Variants in SBF2 observed in about 807,000 individuals in gnomAD.
SBF2 encodes the protein myotubularin-related protein 13.
Under a neutral mutation model 225.2 loss-of-function variants are expected in SBF2, and 112 were observed. The ratio of observed to expected loss-of-function variants is 0.50; its 90% CI spans 0.43 to 0.58. SBF2 has a LOEUF of 0.58. Ranked by LOEUF, SBF2 falls within the 20% of genes least tolerant of loss-of-function variation. SBF2 has a pLI of 0.00. For missense variants in SBF2, 1,996 were observed against 2,206.2 expected (o/e 0.90, Z 1.91); for synonymous variants, 763 against 773.3 (o/e 0.99, Z 0.22).
chr11:10,183,613 A>C (rs1956819886), intron 2 of SBF2, among the ~76,000 whole-genome samples: 1 of 152,102 alleles, frequency 6.6e-6, no homozygotes, highest in South Asian at 2.1e-4. Flanking sequence ...GTCAAGGCTC[A>C]TTTTTTTCCT....
At chr11:9,856,865 G>A (rs1857361224) in intron 18 of SBF2, 145 bp from the exon 19 acceptor site, 2 of 785,898 alleles carry the variant, frequency 2.5e-6, no homozygotes, top group East Asian at 2.8e-5. Context: ...TTGGCTCACT[G>A]CAAGCTCTGC....
chr11:9,952,245 TACACAAAC>T (rs200991258), intron 16 of SBF2, among the ~76,000 whole-genome samples: 9,482 of 83,208 alleles, frequency 0.11, 370 homozygotes, highest in East Asian at 0.35. Context: ...TAAAAATAAA[TACACAAAC>T]AAACAAACAA....
intron 3 of SBF2, among the ~76,000 whole-genome samples, chr11:10,038,071 T>C (rs773675657): frequency 2.6e-5 from 4 of 151,998 alleles, no homozygotes; most frequent in Non-Finnish European, 5.9e-5. Context: ...CTATACACAA[T>C]AGGGTCTGCT....
intron 2 of SBF2, among the ~76,000 whole-genome samples, chr11:10,148,529 T>A (rs575270495): frequency 2.0e-5 from 3 of 151,854 alleles, no homozygotes; most frequent in African/African-American, 7.3e-5. Context: ...CTCCCAGATA[T>A]AGAATGCACT....
At chr11:10,262,131 G>A (rs975520432) in intron 1 of SBF2, among the ~76,000 whole-genome samples, 2 of 152,040 alleles carry the variant, frequency 1.3e-5, no homozygotes, top group Non-Finnish European at 2.9e-5. Context: ...TTGCATTATG[G>A]TTAATTATAT....
At chr11:9,958,806 C>T (rs542325028) in intron 16 of SBF2, 22 of 539,522 alleles carry the variant, frequency 4.1e-5, no homozygotes, top group Non-Finnish European at 7.5e-5. Flanking sequence ...GCTTCTGTCA[C>T]CGAAAATGGG....
intron 6 of SBF2, among the ~76,000 whole-genome samples, chr11:10,004,585 A>AAAAG (rs1554981742): frequency 1.3e-5 from 2 of 148,696 alleles, no homozygotes; most frequent in African/African-American, 4.9e-5. Flanking sequence ...AAAAAAAAAA[A>AAAAG]AAAAAAAAAA....
At chr11:10,165,832 G>T (rs1955926217) in intron 2 of SBF2, among the ~76,000 whole-genome samples, 1 of 152,160 alleles carries the variant, frequency 6.6e-6, no homozygotes, top group African/African-American at 2.4e-5. Flanking sequence ...ATTTGAATAT[G>T]TATGTATTTT....
intron 16 of SBF2, among the ~76,000 whole-genome samples, chr11:9,923,824 T>A (rs940165461): frequency 2.0e-5 from 3 of 152,182 alleles, no homozygotes; most frequent in African/African-American, 7.2e-5. Context: ...TTCAATCAAA[T>A]ATTGCAATAA....
intron 1 of SBF2, among the ~76,000 whole-genome samples, chr11:10,300,319 A>C (rs1367363358): frequency 6.6e-6 from 1 of 152,100 alleles, no homozygotes; most frequent in Non-Finnish European, 1.5e-5. Context: ...ATAATCAGTA[A>C]ATATTTGTTG....
At chr11:9,812,810 A>G in intron 29 of SBF2, 102 bp from the exon 30 acceptor site, 2 of 1,195,852 alleles carry the variant, frequency 1.7e-6, no homozygotes, top group Non-Finnish European at 2.4e-6. Flanking sequence ...TTTGGGGCCA[A>G]ATAGCTGCAG....
chr11:9,830,746 A>C (rs1324051876), intron 27 of SBF2, among the ~76,000 whole-genome samples: 1 of 74,188 alleles, frequency 1.3e-5, no homozygotes, highest in Non-Finnish European at 2.6e-5. Flanking sequence ...GCTCAAAAAC[A>C]AAAAAAAAAA....
chr11:9,900,131 C>T (rs1861611592), intron 16 of SBF2, among the ~76,000 whole-genome samples: 1 of 150,288 alleles, frequency 6.7e-6, no homozygotes, highest in Admixed American at 6.6e-5. Context: ...CCCAGTTTCA[C>T]TGAGTATTTT....
At chr11:10,064,420 G>C (rs1950560931) in intron 2 of SBF2, among the ~76,000 whole-genome samples, 1 of 152,188 alleles carries the variant, frequency 6.6e-6, no homozygotes, top group Non-Finnish European at 1.5e-5. Flanking sequence ...GGGTAAAAAG[G>C]ACCAATGGAA....
At chr11:9,909,442 C>T (rs548595563) in intron 16 of SBF2, among the ~76,000 whole-genome samples, 11 of 151,888 alleles carry the variant, frequency 7.2e-5, no homozygotes, top group Non-Finnish European at 1.3e-4. Flanking sequence ...GAGGCCGAGG[C>T]GGGTGGATCA....
chr11:10,064,521 C>G (rs1017144673), intron 2 of SBF2, among the ~76,000 whole-genome samples: 1 of 151,986 alleles, frequency 6.6e-6, no homozygotes, highest in Non-Finnish European at 1.5e-5. Flanking sequence ...AAAGCAAGAC[C>G]CAACTACATA....
Position 10,240,464 on chromosome 11 carries a change from A to G in SBF2, c.56-46477T>C, listed in dbSNP as rs1031598970. Among the ~76,000 whole-genome samples, 4 of 152,202 alleles carry G rather than the reference A, an allele frequency of 2.6e-5. No individual in the cohort carries two copies. In the East Asian group the frequency reaches 7.7e-4, roughly 29 times the overall value. On this transcript the variant is annotated intron_variant, in intron 1 of 39. Coordinates refer to ENST00000256190, the MANE Select transcript of SBF2 (RefSeq NM_030962.4). ...AACAATAGCTGAAATACGAATCATC[A>G]TGGACTAAGAAATCAGTTTTCATGT...
chr11:10,199,615 G>A (rs971242038), intron 1 of SBF2, among the ~76,000 whole-genome samples: 3 of 152,216 alleles, frequency 2.0e-5, no homozygotes, highest in Admixed American at 6.5e-5. Flanking sequence ...ATAAAAAGGA[G>A]ATTTAGTCAG....
Position 9,968,413 on chromosome 11 carries a change from C to G in SBF2, c.1528G>C (p.Ala510Pro). The change falls in exon 14 of 40, where the codon GCT becomes CCT. Residue 510 changes from alanine to proline, a missense_variant. Transcript: ENST00000256190. ...GCAGGAGGTGCATTCTGGTTCTTAGCAACATTTTCCTGTATTAATTCCTGA... is the reference window on the plus strand; with the variant it reads ...GCAGGAGGTGCATTCTGGTTCTTAGGAACATTTTCCTGTATTAATTCCTGA... ...RVQELIQENV[A>P]KNQNAPPATR... is the part of the protein sequence containing the mutation. 1 of 1,614,130 alleles carries G rather than the reference C, an allele frequency of 6.2e-7. No individual in the cohort carries two copies. The highest frequency in any genetic ancestry group is 1.1e-5 in the South Asian group (1 of 91,072).
Sources: gnomAD v4.1 joint callset for allele counts (sites outside exome capture counted in the v4.1 genomes callset) on GRCh38, gnomAD v4.1.1 for gene constraint, MANE v1.5 for transcripts, NCBI Gene and HGNC (gene_info 2026-07-23, HGNC 2026-07-21) for gene names.